SLCO1B1: variants seen among roughly 807,000 people sequenced by gnomAD.
SLCO1B1 encodes OATP-2.
A neutral mutation model predicts 70.1 loss-of-function variants in SLCO1B1; 81 were observed. That is an observed-to-expected ratio of 1.16 (90% CI 0.97 to 1.39). The LOEUF is 1.39. Ranked by LOEUF, SLCO1B1 falls within the 40% of genes most tolerant of loss-of-function variation. SLCO1B1 has a pLI of 0.00. For missense variants in SLCO1B1, 895 were observed against 799.6 expected, an observed-to-expected ratio of 1.12 and a Z score of -1.44; for synonymous variants, 283 against 271.5, an observed-to-expected ratio of 1.04 and a Z score of -0.42.
At position 21,229,598 on chromosome 12, in the gene SLCO1B1, T is replaced by C. The variant is rs186414891; in HGVS notation, c.1865+4759T>C. ...TGAATAATATTCCATTGTCTAGATG[T>C]ATAACAGATTATTTATATATTCACC... On this transcript the variant is annotated intron_variant, in intron 14 of 14. Coordinates refer to ENST00000256958, the MANE Select transcript of SLCO1B1 (RefSeq NM_006446.5). 2.9e-4 allele frequency among the ~76,000 whole-genome samples: 44 copies of C among 152,350 alleles called. No homozygotes were observed. The East Asian group carries it at 6.7e-3, about 23-fold the overall frequency.
chr12:21,159,281 A>G (rs988973861), intron 2 of SLCO1B1, among the ~76,000 whole-genome samples: 6 of 152,154 alleles, frequency 3.9e-5, no homozygotes, highest in Non-Finnish European at 8.8e-5. Flanking sequence ...TAAGAAAAAG[A>G]GCTGACCAAA....
chr12:21,198,127 T>C (rs1941115596), intron 8 of SLCO1B1, among the ~76,000 whole-genome samples: 1 of 152,124 alleles, frequency 6.6e-6, no homozygotes. Context: ...TTTCATCAGG[T>C]CTTTTACTTA....
intron 3 of SLCO1B1, among the ~76,000 whole-genome samples, chr12:21,173,812 G>C (rs191876745): frequency 3.8e-5 from 5 of 130,516 alleles, no homozygotes; most frequent in Non-Finnish European, 7.7e-5. Flanking sequence ...TCGCTCTGTC[G>C]CCCAGGCTGT....
intron 9 of SLCO1B1, among the ~76,000 whole-genome samples, chr12:21,202,133 C>G (rs1039896205): frequency 3.9e-5 from 6 of 152,204 alleles, no homozygotes; most frequent in East Asian, 1.9e-4. Context: ...ACTGCATGTT[C>G]CCACTCATAA....
chr12:21,232,918 C>A (rs1941556650), intron 14 of SLCO1B1, among the ~76,000 whole-genome samples: 1 of 152,114 alleles, frequency 6.6e-6, no homozygotes. Context: ...AGCCACTTTA[C>A]AAAAGAAAAT....
intron 1 of SLCO1B1, among the ~76,000 whole-genome samples, chr12:21,134,017 A>G (rs900836841): frequency 6.6e-6 from 1 of 152,140 alleles, no homozygotes; most frequent in Admixed American, 6.5e-5. Context: ...ATCAATACCT[A>G]ATTTATTGAG....
rs901600794 is a variant in SLCO1B1, at chr12:21,141,578, G to A, written c.4G>A (p.Asp2Asn). The change falls in exon 2 of 15, where the codon GAC becomes AAC. Residue 2 changes from aspartate (D) to asparagine (N), a missense_variant. Physicochemically the swap from Asp to Asn is conservative, Grantham distance 23. Coordinates refer to ENST00000256958, the MANE Select transcript of SLCO1B1 (RefSeq NM_006446.5). Reference protein sequence around the residue: MDQNQHLNKTAE... With the variant: MNQNQHLNKTAE... ...GTATGATATCTATATTTCAATCATGGACCAAAATCAACATTTGAATAAAAC... is the reference window on the plus strand; with the variant it reads ...GTATGATATCTATATTTCAATCATGAACCAAAATCAACATTTGAATAAAAC... 1.2e-6 allele frequency: 2 copies of A among 1,603,872 alleles called. No individual in the cohort carries two copies. Among genetic ancestry groups the A allele is most frequent in the African/African-American group, 1.3e-5 (1 of 74,652 alleles).
chr12:21,205,114 G>A (rs1217319347), intron 10 of SLCO1B1, among the ~76,000 whole-genome samples: 1 of 151,608 alleles, frequency 6.6e-6, no homozygotes, highest in African/African-American at 2.4e-5. Flanking sequence ...CTCATTCAAA[G>A]ATAACACATC....
chr12:21,232,772 C>A (rs1274114075), intron 14 of SLCO1B1, among the ~76,000 whole-genome samples: 2 of 149,640 alleles, frequency 1.3e-5, no homozygotes, highest in Non-Finnish European at 3.0e-5. Context: ...AGACAGAGAC[C>A]AGAAGCTTGG....
At chr12:21,210,396 T>C (rs1941268679) in intron 11 of SLCO1B1, among the ~76,000 whole-genome samples, 2 of 118,716 alleles carry the variant, frequency 1.7e-5, no homozygotes, top group Non-Finnish European at 3.5e-5. Flanking sequence ...TTCTGAGGGC[T>C]CTGTTCTGTT....
chr12:21,161,223 GC>G (rs1735280833), intron 2 of SLCO1B1, among the ~76,000 whole-genome samples: 1 of 152,150 alleles, frequency 6.6e-6, no homozygotes, highest in African/African-American at 2.4e-5. Flanking sequence ...AATGTTCATT[GC>G]AACATTATTC....
intron 7 of SLCO1B1, among the ~76,000 whole-genome samples, chr12:21,180,292 T>C (rs1940878574): frequency 6.6e-6 from 1 of 152,174 alleles, no homozygotes; most frequent in Non-Finnish European, 1.5e-5. Flanking sequence ...TTACACTTGG[T>C]AAAACTTTTC....
intron 11 of SLCO1B1, among the ~76,000 whole-genome samples, chr12:21,213,808 A>C (rs886935772): frequency 1.7e-4 from 25 of 148,846 alleles, no homozygotes; most frequent in Non-Finnish European, 3.7e-4. Context: ...ACTTCATTTC[A>C]TTCATTTCAT....
chr12:21,217,167 A>T lies in SLCO1B1; in HGVS notation c.1546A>T (p.Asn516Tyr). 6.2e-7 allele frequency: 1 copy of T among 1,613,804 alleles called. No homozygotes were observed. Among genetic ancestry groups the T allele is most frequent in the South Asian group, 1.1e-5 (1 of 91,082 alleles). Reference protein sequence around the residue: ...CLEVTGLQNRNYSAHLGECPR... With the variant: ...CLEVTGLQNRYYSAHLGECPR... The stretch of plus-strand genomic sequence containing the variant: ...GGAAGTAACTGGTCTCCAGAACAGA[A>T]ATTACTCAGCCCATTTGGGTGAATG... The change falls in exon 12 of 15, where the codon AAT becomes TAT. Residue 516 changes from asparagine to tyrosine, a missense_variant. Coordinates refer to ENST00000256958, the MANE Select transcript of SLCO1B1 (RefSeq NM_006446.5).
intron 14 of SLCO1B1, among the ~76,000 whole-genome samples, chr12:21,230,323 CTTT>C (rs745494878): frequency 2.8e-5 from 2 of 70,266 alleles, no homozygotes; most frequent in South Asian, 5.4e-4. Flanking sequence ...CTGTAGTATT[CTTT>C]TTTTTTTTTT....
chr12:21,180,951 T>A lies in SLCO1B1; in HGVS notation c.727+1931T>A, dbSNP rs139506823. On this transcript the variant is annotated intron_variant, in intron 7 of 14. Transcript: ENST00000256958. The stretch of plus-strand genomic sequence containing the variant: ...ATCTTCTCTTATTCAGTGATGAGTA[T>A]GAGCTTCACTTACAAAGTATACTTT... 3.6e-3 allele frequency among the ~76,000 whole-genome samples: 546 copies of A among 152,336 alleles called. 2 individuals carry two copies. Among genetic ancestry groups the A allele is most frequent in the Middle Eastern group, 0.01 (3 of 294 alleles).
rs1395345635 is a variant in SLCO1B1, at chr12:21,172,639, A to T, written c.85-11A>T. 6.2e-7 allele frequency: 1 copy of T among 1,613,210 alleles called. No homozygotes were observed. Among genetic ancestry groups the T allele is most frequent in the South Asian group, 1.1e-5 (1 of 91,046 alleles). On this transcript the variant is annotated splice_polypyrimidine_tract_variant and intron_variant, in intron 2 of 14. Coordinates refer to ENST00000256958, the MANE Select transcript of SLCO1B1 (RefSeq NM_006446.5). ...TAACCATTTTCCCCCTTTCCTTCTGATTTTTCTTAGATGTTCTTGGCAGCT... is the reference window on the plus strand; with the variant it reads ...TAACCATTTTCCCCCTTTCCTTCTGTTTTTTCTTAGATGTTCTTGGCAGCT...
rs969124341 is a variant in SLCO1B1 at position 21,199,745 on chromosome 12, C to A, written c.971-763C>A. Among the ~76,000 whole-genome samples the A allele has an allele frequency of 3.3e-5, 5 of 151,840 alleles. No homozygotes were observed. In the East Asian group the frequency reaches 9.7e-4, roughly 29 times the overall value. ...TCATTAAGTACTAATAAATAAGAAA[C>A]ATCATATGTCTTATTCACTTTTTGT... On this transcript the variant is annotated intron_variant, in intron 8 of 14. Transcript: ENST00000256958.
chr12:21,217,871 C>T (rs1234474170), intron 12 of SLCO1B1, among the ~76,000 whole-genome samples: 3 of 151,930 alleles, frequency 2.0e-5, no homozygotes, highest in Non-Finnish European at 4.4e-5. Context: ...GTAAATGAAA[C>T]CAATAAGATA....
Sources: gnomAD v4.1 joint callset for allele counts (sites outside exome capture counted in the v4.1 genomes callset) on GRCh38, gnomAD v4.1.1 for gene constraint, MANE v1.5 for transcripts, NCBI Gene and HGNC (gene_info 2026-07-23, HGNC 2026-07-21) for gene names.